The following PKIB variants were observed in gnomAD, a reference collection of about 807,000 sequenced individuals.
PKIB encodes the protein PKI-beta.
PKIB carries 2 observed loss-of-function variants against 4.5 expected under a neutral mutation model. The observed-to-expected ratio is 0.44, with a 90% CI of 0.18 to 1.39. The LOEUF (loss-of-function observed/expected upper bound fraction) is 1.39. Among genes scored for constraint, PKIB ranks in the 40% most tolerant of loss-of-function variants. The pLI, the probability that PKIB is intolerant of heterozygous loss-of-function variation, is 0.27. For missense variants in PKIB, 94 were observed against 92.6 expected (o/e 1.02, Z -0.06); for synonymous variants, 38 against 36.0 (o/e 1.06, Z -0.20).
intron 2 of PKIB, among the ~76,000 whole-genome samples, chr6:122,641,909 T>C (rs1582767683): frequency 6.6e-6 from 1 of 152,140 alleles, no homozygotes; most frequent in African/African-American, 2.4e-5. Context: ...GCCAGGCTGG[T>C]CTCAAACTAC....
chr6:122,706,014 C>T (rs1035536077), intron 3 of PKIB, among the ~76,000 whole-genome samples: 3 of 152,142 alleles, frequency 2.0e-5, no homozygotes, highest in Non-Finnish European at 2.9e-5. Context: ...TCCAACTCCA[C>T]GTGGGCATAA....
intron 2 of PKIB, among the ~76,000 whole-genome samples, chr6:122,577,247 T>G (rs1048414483): frequency 6.6e-6 from 1 of 152,202 alleles, no homozygotes; most frequent in East Asian, 1.9e-4. Flanking sequence ...AAAATGAGAT[T>G]AAAACCTGAC....
At chr6:122,618,572 A>G (rs1204826920) in intron 1 of PKIB, among the ~76,000 whole-genome samples, 1 of 152,134 alleles carries the variant, frequency 6.6e-6, no homozygotes, top group Non-Finnish European at 1.5e-5. Flanking sequence ...ACTAGAAGTA[A>G]TCACTATAAA....
intron 2 of PKIB, chr6:122,480,606 A>G (rs757014596): frequency 6.6e-5 from 10 of 152,106 alleles, no homozygotes; most frequent in African/African-American, 9.7e-5. Flanking sequence ...GAAAAATGTC[A>G]TGTTCTATTT....
intron 2 of PKIB, among the ~76,000 whole-genome samples, chr6:122,646,667 C>T (rs1776328713): frequency 6.6e-6 from 1 of 152,056 alleles, no homozygotes; most frequent in Non-Finnish European, 1.5e-5. Context: ...TGAACCTTGT[C>T]TAGAGAAACA....
At chr6:122,556,916 A>T (rs1018588374) in intron 2 of PKIB, among the ~76,000 whole-genome samples, 11 of 152,218 alleles carry the variant, frequency 7.2e-5, no homozygotes, top group Admixed American at 7.2e-4. Context: ...AAAGTAATAT[A>T]TACAAGACCA....
chr6:122,534,465 G>A (rs552782708), intron 2 of PKIB, among the ~76,000 whole-genome samples: 22 of 151,934 alleles, frequency 1.4e-4, no homozygotes, highest in African/African-American at 5.1e-4. Context: ...AGTATCCAGC[G>A]TAAAAAGATC....
At chr6:122,613,097 G>T (rs1483905315) in intron 1 of PKIB, among the ~76,000 whole-genome samples, 1 of 152,060 alleles carries the variant, frequency 6.6e-6, no homozygotes, top group African/African-American at 2.4e-5. Context: ...AATGCTAAAT[G>T]AGCATGAATC....
At chr6:122,612,455 T>C (rs1774800234) in intron 1 of PKIB, among the ~76,000 whole-genome samples, 1 of 152,180 alleles carries the variant, frequency 6.6e-6, no homozygotes, top group South Asian at 2.1e-4. Flanking sequence ...ATTATGTCTT[T>C]GTTCCCACTC....
chr6:122,530,274 TA>T (rs1279665256), intron 2 of PKIB, among the ~76,000 whole-genome samples: 2 of 152,040 alleles, frequency 1.3e-5, no homozygotes, highest in East Asian at 1.9e-4. Context: ...TTTCTGTGTT[TA>T]AAAAAAATAG....
chr6:122,501,159 T>C (rs1776223347), intron 2 of PKIB, among the ~76,000 whole-genome samples: 1 of 152,168 alleles, frequency 6.6e-6, no homozygotes, highest in Admixed American at 6.5e-5. Context: ...AACAGTCCCC[T>C]AAAGTCTTAA....
chr6:122,559,557 G>GT (rs1355063910), intron 2 of PKIB, among the ~76,000 whole-genome samples: 2 of 119,486 alleles, frequency 1.7e-5, no homozygotes, highest in African/African-American at 5.2e-5. Flanking sequence ...TTTTAGAATT[G>GT]TTTTTTTTCT....
intron 2 of PKIB, among the ~76,000 whole-genome samples, chr6:122,661,618 T>C (rs1367946318): frequency 3.3e-5 from 5 of 152,200 alleles, no homozygotes; most frequent in African/African-American, 1.2e-4. Flanking sequence ...TTTGTGTTTT[T>C]TCCACTTTTT....
intron 2 of PKIB, among the ~76,000 whole-genome samples, chr6:122,566,389 C>T (rs1247540831): frequency 6.6e-6 from 1 of 151,998 alleles, no homozygotes; most frequent in African/African-American, 2.4e-5. Context: ...ATACTGAACT[C>T]AATTATTTCA....
intron 3 of PKIB, among the ~76,000 whole-genome samples, chr6:122,695,301 T>C (rs1182935071): frequency 6.6e-6 from 1 of 152,154 alleles, no homozygotes; most frequent in East Asian, 1.9e-4. Flanking sequence ...AGAGAAGTAT[T>C]TGTTTCTGTT....
chr6:122,717,532 T>G, intron 3 of PKIB: 1 of 460,312 alleles, frequency 2.2e-6, no homozygotes, highest in South Asian at 5.3e-5. Flanking sequence ...ACTGCACCCT[T>G]AAGCATCCAA....
At chr6:122,684,618 A>C (rs1014268803) in intron 3 of PKIB, among the ~76,000 whole-genome samples, 6 of 152,224 alleles carry the variant, frequency 3.9e-5, no homozygotes, top group African/African-American at 1.4e-4. Flanking sequence ...CATGAGCTTT[A>C]GACTGGATTT....
intron 2 of PKIB, among the ~76,000 whole-genome samples, chr6:122,584,837 C>T (rs780970379): frequency 7.2e-5 from 11 of 152,046 alleles, no homozygotes; most frequent in Non-Finnish European, 1.0e-4. Context: ...TGGAGGGGCT[C>T]AGACACTGGG....
intron 2 of PKIB, among the ~76,000 whole-genome samples, chr6:122,563,729 G>T (rs1232059118): frequency 8.5e-5 from 13 of 152,126 alleles, no homozygotes; most frequent in Admixed American, 8.5e-4. Flanking sequence ...CATGCAGGTT[G>T]TCAGGGAAGT....
Sources: gnomAD v4.1 joint callset for allele counts (sites outside exome capture counted in the v4.1 genomes callset) on GRCh38, gnomAD v4.1.1 for gene constraint, MANE v1.5 for transcripts, NCBI Gene and HGNC (gene_info 2026-07-23, HGNC 2026-07-21) for gene names.